The following GRIP1 variants were observed in gnomAD, a reference collection of about 807,000 sequenced individuals.
GRIP1 encodes the protein glutamate receptor interacting protein 1.
Under a neutral mutation model 129.9 loss-of-function variants are expected in GRIP1, and 45 were observed. That is an observed-to-expected ratio of 0.35 (90% CI 0.27 to 0.44). The LOEUF (loss-of-function observed/expected upper bound fraction) is 0.44. Among genes scored for constraint, GRIP1 ranks in the 20% least tolerant of loss-of-function variants. The pLI, the probability that GRIP1 is intolerant of heterozygous loss-of-function variation, is 1.00. For synonymous variants in GRIP1, 530 were observed against 520.8 expected (o/e 1.02, Z -0.24); for missense variants, 1,196 against 1,396.8 (o/e 0.86, Z 2.29).
chr12:66,363,332 C>G (rs1210009316), intron 23 of GRIP1, among the ~76,000 whole-genome samples: 1 of 149,146 alleles, frequency 6.7e-6, no homozygotes, highest in African/African-American at 2.5e-5. Context: ...CAGGCTTGAC[C>G]TCTCAGGCTC....
At chr12:66,893,767 C>T (rs927876210) in intron 1 of GRIP1, among the ~76,000 whole-genome samples, 2 of 152,148 alleles carry the variant, frequency 1.3e-5, no homozygotes, top group African/African-American at 4.8e-5. Context: ...GTACGTTAAA[C>T]CTCATTGGAA....
intron 15 of GRIP1, among the ~76,000 whole-genome samples, chr12:66,417,427 G>A (rs1355446762): frequency 6.6e-6 from 1 of 152,144 alleles, no homozygotes; most frequent in East Asian, 1.9e-4. Context: ...ACACAGTACT[G>A]GAAGTCCTAG....
intron 1 of GRIP1, among the ~76,000 whole-genome samples, chr12:67,014,942 T>G (rs1260877792): frequency 3.3e-5 from 5 of 152,194 alleles, no homozygotes; most frequent in Non-Finnish European, 2.9e-5. Context: ...TCTAGAAAGA[T>G]TTCCTTCCAG....
rs187005177 is a variant in GRIP1 at position 66,940,277 on chromosome 12, A to G, written c.58+128773T>C. On this transcript the variant is annotated intron_variant, in intron 1 of 1. Transcript: ENST00000643019. Reference sequence around the variant, plus strand: ...TTTGGGATCTTGGGCAAGTCAATCCACTTCTTAGAACTTCAATCTCATCAC... The same window carrying G: ...TTTGGGATCTTGGGCAAGTCAATCCGCTTCTTAGAACTTCAATCTCATCAC... Among the ~76,000 whole-genome samples the G allele has an allele frequency of 7.2e-4, 109 of 152,266 alleles. 1 individual carries two copies. The highest frequency in any genetic ancestry group is 6.8e-3 in the Middle Eastern group (2 of 294).
At chr12:66,707,871 A>C (rs1409579242) in intron 1 of GRIP1, among the ~76,000 whole-genome samples, 1 of 152,040 alleles carries the variant, frequency 6.6e-6, no homozygotes, top group Non-Finnish European at 1.5e-5. Flanking sequence ...AGTGTCATTA[A>C]ACGTACATTT....
At chr12:66,880,439 G>C (rs2040458978) in intron 1 of GRIP1, among the ~76,000 whole-genome samples, 1 of 152,080 alleles carries the variant, frequency 6.6e-6, no homozygotes, top group Non-Finnish European at 1.5e-5. Flanking sequence ...TGAGTTCATT[G>C]GTCAACACTC....
chr12:66,816,518 A>G (rs999029355), intron 1 of GRIP1, among the ~76,000 whole-genome samples: 10 of 152,228 alleles, frequency 6.6e-5, no homozygotes, highest in African/African-American at 1.9e-4. Context: ...GCTGATATTT[A>G]TAAACTTATC....
chr12:66,737,748 T>G (rs1319267029), intron 1 of GRIP1, among the ~76,000 whole-genome samples: 1 of 152,170 alleles, frequency 6.6e-6, no homozygotes, highest in Non-Finnish European at 1.5e-5. Context: ...TGCCCATTCT[T>G]TCCACAAATA....
At chr12:66,801,202 G>A (rs1315679580) in intron 1 of GRIP1, among the ~76,000 whole-genome samples, 6 of 151,954 alleles carry the variant, frequency 3.9e-5, no homozygotes, top group African/African-American at 1.2e-4. Flanking sequence ...CTAAAACCCA[G>A]AAATGTTTGG....
intron 1 of GRIP1, among the ~76,000 whole-genome samples, chr12:66,877,731 T>C (rs1367496839): frequency 6.6e-6 from 1 of 152,108 alleles, no homozygotes. Context: ...ATATTCATTC[T>C]TTCCTCTTAT....
At chr12:67,042,375 T>C (rs898064757) in intron 1 of GRIP1, among the ~76,000 whole-genome samples, 3 of 152,196 alleles carry the variant, frequency 2.0e-5, no homozygotes, top group South Asian at 2.1e-4. Flanking sequence ...CCTTTTTCTA[T>C]ATAAGGTAAT....
intron 13 of GRIP1, among the ~76,000 whole-genome samples, chr12:66,436,108 T>G (rs900871085): frequency 1.3e-5 from 2 of 152,242 alleles, no homozygotes; most frequent in Non-Finnish European, 2.9e-5. Flanking sequence ...TGTAATTATT[T>G]TGTACTTCCC....
chr12:66,579,819 T>C (rs577667122), intron 2 of GRIP1, among the ~76,000 whole-genome samples: 15 of 151,266 alleles, frequency 9.9e-5, no homozygotes, highest in African/African-American at 3.4e-4. Context: ...TGGAACCAAG[T>C]TGGAAAACAC....
At chr12:66,717,739 G>A (rs2035937909) in intron 1 of GRIP1, among the ~76,000 whole-genome samples, 1 of 152,144 alleles carries the variant, frequency 6.6e-6, no homozygotes, top group Admixed American at 6.6e-5. Flanking sequence ...AACTATAAAT[G>A]AGATTGCACT....
chr12:66,809,883 G>A (rs973507834), intron 1 of GRIP1, among the ~76,000 whole-genome samples: 8 of 151,926 alleles, frequency 5.3e-5, no homozygotes, highest in South Asian at 2.1e-4. Context: ...CTTGAACTCC[G>A]GAGCTCCAGC....
chr12:66,459,999 G>A (rs1565761794), intron 9 of GRIP1, among the ~76,000 whole-genome samples: 1 of 152,130 alleles, frequency 6.6e-6, no homozygotes, highest in Non-Finnish European at 1.5e-5. Flanking sequence ...ACTGTGCTAG[G>A]TGCTTTTTCA....
At chr12:66,722,388 G>C (rs917784168) in intron 1 of GRIP1, among the ~76,000 whole-genome samples, 1 of 152,180 alleles carries the variant, frequency 6.6e-6, no homozygotes. Context: ...CAATTGGCCA[G>C]TGGCATAATC....
chr12:66,927,677 A>G (rs1379764038), intron 1 of GRIP1, among the ~76,000 whole-genome samples: 1 of 152,174 alleles, frequency 6.6e-6, no homozygotes, highest in Non-Finnish European at 1.5e-5. Context: ...CTTAACATGT[A>G]AGAGGGGTTA....
At chr12:66,551,199 T>C (rs1347961619) in intron 2 of GRIP1, among the ~76,000 whole-genome samples, 1 of 152,256 alleles carries the variant, frequency 6.6e-6, no homozygotes, top group Admixed American at 6.5e-5. Context: ...GACTCTGTGG[T>C]AGAGGCTAGT....
Sources: gnomAD v4.1 joint callset for allele counts (sites outside exome capture counted in the v4.1 genomes callset) on GRCh38, gnomAD v4.1.1 for gene constraint, MANE v1.5 for transcripts, NCBI Gene and HGNC (gene_info 2026-07-23, HGNC 2026-07-21) for gene names.